STXBP5L: variants seen among roughly 807,000 people sequenced by gnomAD.
The protein encoded by STXBP5L is syntaxin-binding protein 5-like.
STXBP5L carries 65 observed loss-of-function variants against 144.5 expected under a neutral mutation model. The observed-to-expected ratio is 0.45, with a 90% CI of 0.37 to 0.55. The LOEUF (loss-of-function observed/expected upper bound fraction) is 0.55, where lower values mean the gene tolerates loss of function less well. Among genes scored for constraint, STXBP5L ranks in the 20% least tolerant of loss-of-function variants. The pLI is 0.00. For missense variants in STXBP5L, 1,298 were observed against 1,405.5 expected, an observed-to-expected ratio of 0.92 and a Z score of 1.22; for synonymous variants, 505 against 469.6, an observed-to-expected ratio of 1.08 and a Z score of -0.97.
At chr3:120,917,983 A>C (rs1709186059) in intron 2 of STXBP5L, among the ~76,000 whole-genome samples, 1 of 152,188 alleles carries the variant, frequency 6.6e-6, no homozygotes, top group South Asian at 2.1e-4. Context: ...GGCTAAAATT[A>C]ATGTGTTCAC....
intron 2 of STXBP5L, among the ~76,000 whole-genome samples, chr3:120,947,389 C>G (rs1207254732): frequency 2.0e-5 from 3 of 151,722 alleles, no homozygotes; most frequent in Non-Finnish European, 4.4e-5. Flanking sequence ...CTGATGTCAA[C>G]TTTTTATTGC....
At chr3:121,036,678 T>C (rs928603505) in intron 3 of STXBP5L, among the ~76,000 whole-genome samples, 1 of 151,992 alleles carries the variant, frequency 6.6e-6, no homozygotes, top group African/African-American at 2.4e-5. Flanking sequence ...GAGATTTTAT[T>C]AAGAAAGCAT....
intron 19 of STXBP5L, chr3:121,282,437 C>A: frequency 1.9e-6 from 2 of 1,080,436 alleles, no homozygotes; most frequent in Non-Finnish European, 2.6e-6. Flanking sequence ...AAAACACATT[C>A]AGCATGCATG....
intron 3 of STXBP5L, among the ~76,000 whole-genome samples, chr3:121,023,973 T>C (rs1427551897): frequency 6.6e-6 from 1 of 152,122 alleles, no homozygotes; most frequent in Non-Finnish European, 1.5e-5. Flanking sequence ...TTAGCCAGGA[T>C]GGTCTCGATC....
rs2043342623 is a variant in STXBP5L, at chr3:121,100,177, T to G, written c.471-14748T>G. The stretch of plus-strand genomic sequence containing the variant: ...GGTCTTTAAAACCCCATTGGCAGCG[T>G]TAGACAGATGCTTGAGGCAGAAAAC... On this transcript the variant is annotated intron_variant, in intron 5 of 26. Coordinates refer to ENST00000471454, the MANE Select transcript of STXBP5L (RefSeq NM_001308330.2). Among the ~76,000 whole-genome samples the G allele has an allele frequency of 2.0e-5, 3 of 152,200 alleles. No homozygotes were observed. The South Asian group carries it at 6.2e-4, about 32-fold the overall frequency.
rs763296074 is a variant in STXBP5L at position 121,418,344 on chromosome 3, A to C, written c.3234A>C (p.Glu1078Asp). Reference sequence around the variant, plus strand: ...TATTGCATATATTCTCAGTTGGGGAAGCTTCGGCAGGAAAAGCATCCCGCA... The same window carrying C: ...TATTGCATATATTCTCAGTTGGGGACGCTTCGGCAGGAAAAGCATCCCGCA... ...QTFDREELFG[E>D]ASAGKASRSL... Residue 1078 changes from glutamate to aspartate, a missense_variant, in exon 26 of 27, where the codon GAA becomes GAC. Physicochemically the swap from Glu to Asp is conservative, Grantham distance 45. Transcript: ENST00000471454. The C allele has an allele frequency of 6.2e-7, 1 of 1,613,112 alleles. No homozygotes were observed. The highest frequency in any genetic ancestry group is 8.5e-7 in the Non-Finnish European group (1 of 1,179,414).
intron 9 of STXBP5L, among the ~76,000 whole-genome samples, chr3:121,188,514 CTT>C (rs2047495798): frequency 7.1e-6 from 1 of 140,946 alleles, no homozygotes; most frequent in Non-Finnish European, 1.6e-5. Flanking sequence ...AAAAAAAAGA[CTT>C]TTAGACCAAT....
intron 24 of STXBP5L, among the ~76,000 whole-genome samples, chr3:121,414,698 G>A (rs1285926302): frequency 6.6e-6 from 1 of 152,206 alleles, no homozygotes; most frequent in Non-Finnish European, 1.5e-5. Context: ...AATTGGGAGT[G>A]GAGGTGTTGT....
intron 13 of STXBP5L, 73 bp downstream of exon 13, chr3:121,239,191 T>G (rs1040861244): frequency 2.1e-5 from 18 of 869,322 alleles, no homozygotes; most frequent in Non-Finnish European, 2.3e-5. Context: ...ATTACTTTAT[T>G]TTCTTACATT....
At position 120,955,884 on chromosome 3, in the gene STXBP5L, C is replaced by T. The variant is rs182519947; in HGVS notation, c.287+847C>T. Among the ~76,000 whole-genome samples the T allele has an allele frequency of 2.6e-4, 39 of 152,098 alleles. No individual in the cohort carries two copies. The East Asian group carries it at 7.1e-3, about 28-fold the overall frequency. On this transcript the variant is annotated intron_variant, in intron 3 of 26. Coordinates refer to ENST00000471454, the MANE Select transcript of STXBP5L (RefSeq NM_001308330.2). ...TTCAAAAATGTTATATAAATGGAAT[C>T]ATACAGTTTATAATTTTTGGCGATT...
chr3:121,132,265 C>T (rs115438979), intron 7 of STXBP5L, among the ~76,000 whole-genome samples: 51 of 152,300 alleles, frequency 3.3e-4, no homozygotes, highest in African/African-American at 1.2e-3. Context: ...AAGAGTGGAT[C>T]TGTGCATCCA....
At chr3:120,986,733 T>A (rs1942321923) in intron 3 of STXBP5L, among the ~76,000 whole-genome samples, 1 of 151,836 alleles carries the variant, frequency 6.6e-6, no homozygotes, top group African/African-American at 2.4e-5. Context: ...ATAAGCAAAA[T>A]GGAAATATTG....
chr3:121,108,679 T>C (rs1280088089), intron 5 of STXBP5L, among the ~76,000 whole-genome samples: 1 of 152,166 alleles, frequency 6.6e-6, no homozygotes, highest in African/African-American at 2.4e-5. Context: ...AGTTTCTTTT[T>C]TAGTTGTATC....
intron 5 of STXBP5L, among the ~76,000 whole-genome samples, chr3:121,093,196 G>T (rs565843419): frequency 3.3e-5 from 5 of 152,228 alleles, no homozygotes; most frequent in Non-Finnish European, 7.3e-5. Context: ...GAGGATTTTT[G>T]CATCAATGTT....
intron 9 of STXBP5L, among the ~76,000 whole-genome samples, chr3:121,200,529 T>A (rs2048098966): frequency 6.6e-6 from 1 of 152,184 alleles, no homozygotes; most frequent in Non-Finnish European, 1.5e-5. Flanking sequence ...AGCTTTTGAA[T>A]TTGTTTGCTC....
At chr3:121,172,090 A>C (rs1445778118) in intron 9 of STXBP5L, among the ~76,000 whole-genome samples, 3 of 152,188 alleles carry the variant, frequency 2.0e-5, no homozygotes, top group African/African-American at 4.8e-5. Flanking sequence ...TGACAAAAAC[A>C]AGCAATGGGG....
intron 11 of STXBP5L, among the ~76,000 whole-genome samples, chr3:121,225,305 G>A (rs1014053939): frequency 6.6e-6 from 1 of 151,996 alleles, no homozygotes; most frequent in African/African-American, 2.4e-5. Context: ...TGTGCCCCAG[G>A]ACTCTCGGGG....
chr3:121,306,757 A>G (rs2043350164), intron 19 of STXBP5L, among the ~76,000 whole-genome samples: 1 of 152,158 alleles, frequency 6.6e-6, no homozygotes, highest in African/African-American at 2.4e-5. Context: ...GACTGCTAAG[A>G]AGAGCCTTCC....
chr3:121,168,988 C>T (rs557131312), intron 9 of STXBP5L, among the ~76,000 whole-genome samples: 1 of 152,196 alleles, frequency 6.6e-6, no homozygotes, highest in Non-Finnish European at 1.5e-5. Context: ...GACAGCAGAT[C>T]TCGCTGCAGA....
Sources: allele counts gnomAD v4.1 joint callset (sites outside exome capture counted in the v4.1 genomes callset), GRCh38; gene constraint gnomAD v4.1.1; transcripts MANE v1.5; gene names NCBI Gene and HGNC (gene_info 2026-07-23, HGNC 2026-07-21).